MEGF11: variants seen among roughly 807,000 people sequenced by gnomAD.
MEGF11 encodes the protein multiple EGF like domains 11.
In MEGF11, 126 loss-of-function variants were observed where a neutral mutation model predicts 146.6. The observed-to-expected ratio is 0.86, with a 90% CI of 0.74 to 1.00. The LOEUF is 1.00. Ranked by LOEUF, MEGF11 falls within the 50% of genes least tolerant of loss-of-function variation. The pLI is 0.00. For synonymous variants in MEGF11, 532 were observed against 583.4 expected, an observed-to-expected ratio of 0.91 and a Z score of 1.27; for missense variants, 1,509 against 1,521.2, an observed-to-expected ratio of 0.99 and a Z score of 0.13.
At position 65,929,709 on chromosome 15, in the gene MEGF11, C is replaced by A. The variant is rs1356611663; in HGVS notation, c.1572+11G>T. On this transcript the variant is annotated intron_variant, in intron 12 of 25. Transcript: ENST00000395614. ...GGAGCCCAACCTGTCCCTCCCCACC[C>A]TGGCACTCACCGGGCAAGGCAGCTC... The A allele has an allele frequency of 1.4e-5, 21 of 1,549,146 alleles. No homozygotes were observed. Among genetic ancestry groups the A allele is most frequent in the Non-Finnish European group, 1.7e-5 (20 of 1,145,524 alleles).
At chr15:65,970,948 C>T (rs1237861977) in intron 7 of MEGF11, 7 of 492,360 alleles carry the variant, frequency 1.4e-5, no homozygotes, top group African/African-American at 7.7e-5. Flanking sequence ...AGGGGTGATT[C>T]GATTTGATTC....
chr15:66,055,343 C>T (rs73483412), intron 5 of MEGF11, among the ~76,000 whole-genome samples: 1,924 of 152,328 alleles, frequency 0.013, 41 homozygotes, highest in African/African-American at 0.044. Flanking sequence ...TTAGCTAATG[C>T]AGCTTTCAAT....
chr15:65,968,423 G>C (rs1447304066), intron 8 of MEGF11, among the ~76,000 whole-genome samples: 2 of 152,184 alleles, frequency 1.3e-5, no homozygotes, highest in Non-Finnish European at 2.9e-5. Flanking sequence ...TGCTTAGCAG[G>C]ACTGGACAGA....
intron 10 of MEGF11, among the ~76,000 whole-genome samples, chr15:65,954,899 CACAG>C (rs2080525997): frequency 6.6e-6 from 1 of 152,184 alleles, no homozygotes; most frequent in East Asian, 1.9e-4. Context: ...CCAGCAGACA[CACAG>C]ACAATGTATA....
chr15:66,027,422 T>A (rs1309904566), intron 5 of MEGF11, among the ~76,000 whole-genome samples: 1 of 152,224 alleles, frequency 6.6e-6, no homozygotes, highest in Non-Finnish European at 1.5e-5. Context: ...GGGCCTATGA[T>A]AAGGCAGGGC....
chr15:66,183,541 GAA>G (rs201381470), intron 1 of MEGF11, among the ~76,000 whole-genome samples: 4 of 80,488 alleles, frequency 5.0e-5, no homozygotes, highest in Admixed American at 1.4e-4. Flanking sequence ...CTGCCAAAAA[GAA>G]AAAAAAAAAA....
At chr15:66,229,637 C>T (rs1407232182) in intron 1 of MEGF11, among the ~76,000 whole-genome samples, 2 of 152,222 alleles carry the variant, frequency 1.3e-5, no homozygotes, top group East Asian at 3.9e-4. Flanking sequence ...GTGGCCCTTC[C>T]GAGGCTGCAT....
intron 12 of MEGF11, among the ~76,000 whole-genome samples, chr15:65,929,083 G>T (rs1049733628): frequency 1.3e-5 from 2 of 152,200 alleles, no homozygotes; most frequent in African/African-American, 2.4e-5. Context: ...AACAAGGTTA[G>T]AGAGGTGAAG....
At chr15:66,164,256 C>T (rs953279569) in intron 1 of MEGF11, among the ~76,000 whole-genome samples, 1 of 152,286 alleles carries the variant, frequency 6.6e-6, no homozygotes, top group East Asian at 1.9e-4. Context: ...CAGAGAAGGG[C>T]CAGGCTGCCC....
At chr15:65,996,211 TCA>T (rs1026299445) in intron 5 of MEGF11, among the ~76,000 whole-genome samples, 5 of 152,144 alleles carry the variant, frequency 3.3e-5, no homozygotes, top group Admixed American at 2.6e-4. Context: ...CTTCCATCTC[TCA>T]GAGTCACCTG....
chr15:65,955,775 T>G (rs1488848272), intron 10 of MEGF11, among the ~76,000 whole-genome samples: 3 of 8,462 alleles, frequency 3.5e-4, no homozygotes, highest in Non-Finnish European at 7.8e-4. Flanking sequence ...TATATATATA[T>G]ATATATATAT....
chr15:65,999,379 C>T (rs1429283646), intron 5 of MEGF11, among the ~76,000 whole-genome samples: 1 of 152,134 alleles, frequency 6.6e-6, no homozygotes, highest in East Asian at 1.9e-4. Context: ...GGGGGCTTCT[C>T]CATCCTCTAA....
intron 17 of MEGF11, chr15:65,916,621 C>G: frequency 2.2e-6 from 2 of 927,028 alleles, no homozygotes; most frequent in Non-Finnish European, 3.4e-6. Context: ...CCTTCCAGGA[C>G]TTTGGGCTTG....
rs1210671756 is a variant in MEGF11 at position 65,982,465 on chromosome 15, GC to G, written c.417del (p.His141ThrfsTer146). ...CACTGGCACCGGTTGCTGCAGTGGG[GC>G]CCCCAGTGGTCGCTGTCGCAGCCTG... ...CSSGCDSDHW[G>X]PHCSNRCQCQ... is the part of the protein sequence containing the mutation. On this transcript the variant is annotated frameshift_variant, in exon 6 of 26. Transcript: ENST00000395614. LOFTEE classifies it high-confidence loss of function. The surrounding 1 kb of genome is among the most constrained non-coding windows in gnomAD (Gnocchi z 5.6). 1.4e-6 allele frequency: 2 copies of G among 1,480,994 alleles called. No homozygotes were observed. The allele number at this position is 1,480,994 out of a possible 1,614,324, so 91.7% of individuals were successfully genotyped here.
chr15:66,071,518 A>G (rs2085364572), intron 5 of MEGF11, among the ~76,000 whole-genome samples: 4 of 152,224 alleles, frequency 2.6e-5, no homozygotes. Flanking sequence ...TTGAATTATG[A>G]AAGAGAATCG....
At chr15:65,903,765 C>T (rs559593239) in intron 24 of MEGF11, among the ~76,000 whole-genome samples, 2 of 152,264 alleles carry the variant, frequency 1.3e-5, no homozygotes, top group East Asian at 1.9e-4. Context: ...GTGTTTATTT[C>T]GGGGGGCGTT....
chr15:66,244,714 G>T (rs1004037947), intron 1 of MEGF11, among the ~76,000 whole-genome samples: 4 of 152,152 alleles, frequency 2.6e-5, no homozygotes, highest in Admixed American at 1.3e-4. Context: ...ACCTGAAGTA[G>T]TACCCAGCAC....
intron 9 of MEGF11, among the ~76,000 whole-genome samples, chr15:65,958,748 T>G (rs892760544): frequency 6.6e-6 from 1 of 152,208 alleles, no homozygotes; most frequent in Non-Finnish European, 1.5e-5. Flanking sequence ...TGTCCCAGCC[T>G]CCTCAGCTTC....
chr15:65,916,357 G>A, intron 17 of MEGF11, 81 bp from the exon 18 acceptor site: 1 of 1,470,952 alleles, frequency 6.8e-7, no homozygotes, highest in Non-Finnish European at 9.1e-7. Context: ...CCTGTCTTCT[G>A]TCTCTTTTTT....
Sources: allele counts gnomAD v4.1 joint callset (sites outside exome capture counted in the v4.1 genomes callset), GRCh38; gene constraint gnomAD v4.1.1; non-coding constraint Gnocchi (gnomAD v3.1); transcripts MANE v1.5; gene names NCBI Gene and HGNC (gene_info 2026-07-23, HGNC 2026-07-21).